Variants in TLK2 observed in about 807,000 individuals in gnomAD.
The protein encoded by TLK2 is tousled like kinase 2.
In TLK2, 6 loss-of-function variants were observed where a neutral mutation model predicts 117.3. That is an observed-to-expected ratio of 0.05 (90% CI 0.03 to 0.10). The LOEUF (loss-of-function observed/expected upper bound fraction) is 0.10, where lower values mean the gene tolerates loss of function less well. TLK2 is among the 10% of genes least tolerant of loss of function. The pLI, the probability that TLK2 is intolerant of heterozygous loss-of-function variation, is 1.00. For synonymous variants in TLK2, 257 were observed against 316.7 expected (o/e 0.81, Z 2.00); for missense variants, 299 against 901.2 (o/e 0.33, Z 8.56).
chr17:62,488,084 G>A (rs1417425397), intron 2 of TLK2, among the ~76,000 whole-genome samples: 1 of 151,834 alleles, frequency 6.6e-6, no homozygotes, highest in Non-Finnish European at 1.5e-5. Flanking sequence ...GGAGGTGCCC[G>A]CCACCATGCC....
intron 6 of TLK2, 54 bp downstream of exon 6, chr17:62,524,385 GA>G (rs2145601081): frequency 6.5e-7 from 1 of 1,541,700 alleles, no homozygotes; most frequent in South Asian, 1.2e-5. Flanking sequence ...AAGATGCCCA[GA>G]AACACTCAAG....
At chr17:62,589,430 C>A (rs1312671047) in intron 16 of TLK2, among the ~76,000 whole-genome samples, 2 of 152,108 alleles carry the variant, frequency 1.3e-5, no homozygotes, top group African/African-American at 4.8e-5. Context: ...TGAGTTTCTT[C>A]CAGTTTCTCA....
At chr17:62,612,270 T>C in intron 21 of TLK2, 122 bp from the exon 22 acceptor site, 1 of 1,091,662 alleles carries the variant, frequency 9.2e-7, no homozygotes, top group Non-Finnish European at 1.3e-6. Context: ...GAGGAAGGCC[T>C]TAAGCCCCTT....
At chr17:62,493,014 C>T (rs1437559306) in intron 2 of TLK2, among the ~76,000 whole-genome samples, 1 of 152,068 alleles carries the variant, frequency 6.6e-6, no homozygotes, top group Non-Finnish European at 1.5e-5. Context: ...AAGAGAATCA[C>T]TTGAACCGGG....
intron 12 of TLK2, among the ~76,000 whole-genome samples, chr17:62,575,149 A>G (rs777373496): frequency 2.0e-5 from 3 of 152,202 alleles, no homozygotes; most frequent in Non-Finnish European, 2.9e-5. Flanking sequence ...TTAGAATGCA[A>G]TCTAGGCTAG....
intron 5 of TLK2, among the ~76,000 whole-genome samples, chr17:62,523,893 A>AAAG (rs1309020818): frequency 1.1e-4 from 17 of 152,226 alleles, no homozygotes; most frequent in African/African-American, 4.1e-4. Context: ...AGTGGTTACT[A>AAAG]AAGACACTAA....
intron 1 of TLK2, among the ~76,000 whole-genome samples, chr17:62,473,607 G>A (rs946570929): frequency 6.6e-6 from 1 of 152,182 alleles, no homozygotes; most frequent in East Asian, 1.9e-4. Flanking sequence ...AATTCTGGGG[G>A]TGGGGCCCAG....
chr17:62,547,081 TAC>T (rs1383804665), intron 7 of TLK2, among the ~76,000 whole-genome samples: 1 of 152,208 alleles, frequency 6.6e-6, no homozygotes, highest in African/African-American at 2.4e-5. Context: ...GAACCTTTAA[TAC>T]AGTTATCTAA....
chr17:62,608,227 G>T, intron 21 of TLK2, 79 bp downstream of exon 21: 1 of 1,061,044 alleles, frequency 9.4e-7, no homozygotes, highest in Non-Finnish European at 1.4e-6. Context: ...ATAGTGGATG[G>T]ATTCTTCAGT....
chr17:62,561,408 C>T (rs1416870918), intron 10 of TLK2, among the ~76,000 whole-genome samples: 4 of 152,214 alleles, frequency 2.6e-5, no homozygotes, highest in East Asian at 1.9e-4. Context: ...TGCGGGGTTT[C>T]GCCATGTTGG....
At chr17:62,509,934 T>C (rs977916504) in intron 2 of TLK2, among the ~76,000 whole-genome samples, 8 of 152,176 alleles carry the variant, frequency 5.3e-5, no homozygotes, top group African/African-American at 1.9e-4. Flanking sequence ...GCCTTGGTAT[T>C]GTACTTCCCA....
intron 12 of TLK2, among the ~76,000 whole-genome samples, chr17:62,575,099 T>A (rs1252183261): frequency 6.6e-6 from 1 of 152,234 alleles, no homozygotes; most frequent in African/African-American, 2.4e-5. Flanking sequence ...TTAGGAGTGA[T>A]AAAGAAAGCA....
chr17:62,522,158 A>G (rs1389488393), intron 3 of TLK2, 46 bp from the exon 4 acceptor site: 1 of 1,599,602 alleles, frequency 6.3e-7, no homozygotes, highest in Non-Finnish European at 8.5e-7. Context: ...TCCTAACGTG[A>G]AAAATTTACC....
At chr17:62,541,403 A>G (rs1256488863) in intron 7 of TLK2, among the ~76,000 whole-genome samples, 1 of 152,196 alleles carries the variant, frequency 6.6e-6, no homozygotes, top group East Asian at 1.9e-4. Flanking sequence ...AGCATTCTTT[A>G]TAGAAGGACT....
intron 11 of TLK2, among the ~76,000 whole-genome samples, chr17:62,567,971 T>C (rs1023582931): frequency 6.6e-6 from 1 of 152,164 alleles, no homozygotes; most frequent in East Asian, 1.9e-4. Context: ...TTTGAATCTT[T>C]TGAAAAAGTA....
chr17:62,477,026 G>A (rs1298500613), upstream of TLK2, among the ~76,000 whole-genome samples: 1 of 152,094 alleles, frequency 6.6e-6, no homozygotes, highest in Non-Finnish European at 1.5e-5. Flanking sequence ...GGGTGGCAGA[G>A]GTTGCAGTGA....
chr17:62,483,918 C>T (rs1254404083), intron 2 of TLK2, among the ~76,000 whole-genome samples: 11 of 151,962 alleles, frequency 7.2e-5, no homozygotes, highest in African/African-American at 2.4e-4. Flanking sequence ...CTCTGCCTCC[C>T]GGGTTCAAGC....
At chr17:62,567,981 A>G (rs985572581) in intron 11 of TLK2, among the ~76,000 whole-genome samples, 6 of 152,194 alleles carry the variant, frequency 3.9e-5, no homozygotes, top group Non-Finnish European at 8.8e-5. Context: ...TTGAAAAAGT[A>G]GCTTATTTTA....
intron 7 of TLK2, among the ~76,000 whole-genome samples, chr17:62,541,201 CT>C (rs1163078157): frequency 6.6e-6 from 1 of 152,144 alleles, no homozygotes; most frequent in Non-Finnish European, 1.5e-5. Flanking sequence ...CTCCTAGGCC[CT>C]GCGTTGTTTT....
Sources: gnomAD v4.1 joint callset for allele counts (sites outside exome capture counted in the v4.1 genomes callset) on GRCh38, gnomAD v4.1.1 for gene constraint, MANE v1.5 for transcripts, NCBI Gene and HGNC (gene_info 2026-07-23, HGNC 2026-07-21) for gene names.